The following ASIC2 variants were observed in gnomAD, a reference collection of about 807,000 sequenced individuals.
ASIC2 encodes the protein acid-sensing ion channel 2.
Under a neutral mutation model 57.3 loss-of-function variants are expected in ASIC2, and 25 were observed. The observed-to-expected ratio is 0.44, with a 90% CI of 0.32 to 0.61. The LOEUF is 0.61. Ranked by LOEUF, ASIC2 falls within the 20% of genes least tolerant of loss-of-function variation. The probability of loss-of-function intolerance (pLI) is 0.06; values close to 1 mark genes in which losing one functional copy is unlikely to be tolerated. For synonymous variants in ASIC2, 319 were observed against 307.5 expected, an observed-to-expected ratio of 1.04 and a Z score of -0.39; for missense variants, 641 against 738.1, an observed-to-expected ratio of 0.87 and a Z score of 1.52.
intron 1 of ASIC2, among the ~76,000 whole-genome samples, chr17:34,060,882 T>A (rs545815846): frequency 6.6e-6 from 1 of 152,226 alleles, no homozygotes; most frequent in South Asian, 2.1e-4. Context: ...ATAATCAGTG[T>A]TCCTGAGGAA....
chr17:34,073,867 G>A (rs917987003), intron 1 of ASIC2, among the ~76,000 whole-genome samples: 1 of 152,180 alleles, frequency 6.6e-6, no homozygotes, highest in African/African-American at 2.4e-5. Context: ...AGTAAAGTGA[G>A]AGCAGCTGGC....
chr17:33,497,381 T>C (rs1461455267), intron 1 of ASIC2, among the ~76,000 whole-genome samples: 1 of 152,236 alleles, frequency 6.6e-6, no homozygotes, highest in Non-Finnish European at 1.5e-5. Flanking sequence ...AGGGTTCACC[T>C]TGGGGTATAT....
At chr17:33,727,769 G>A (rs558014899) in intron 1 of ASIC2, among the ~76,000 whole-genome samples, 6 of 152,170 alleles carry the variant, frequency 3.9e-5, no homozygotes, top group African/African-American at 7.2e-5. Flanking sequence ...ATAAATTACC[G>A]AGTGTCAGGT....
intron 8 of ASIC2, among the ~76,000 whole-genome samples, chr17:33,016,658 C>G (rs190847634): frequency 6.3e-4 from 96 of 152,128 alleles, no homozygotes; most frequent in Non-Finnish European, 8.8e-5. Context: ...TCCAGAGGAG[C>G]CTGGTTACTG....
chr17:33,456,182 T>C (rs1912446462), intron 1 of ASIC2, among the ~76,000 whole-genome samples: 2 of 152,356 alleles, frequency 1.3e-5, no homozygotes, highest in African/African-American at 4.8e-5. Flanking sequence ...GGTGCTCTTC[T>C]CTGCTTCTTT....
At chr17:33,907,852 A>G (rs1403234137) in intron 1 of ASIC2, among the ~76,000 whole-genome samples, 1 of 152,158 alleles carries the variant, frequency 6.6e-6, no homozygotes, top group African/African-American at 2.4e-5. Context: ...CATCCTTCTC[A>G]TTCTGCTCAA....
At chr17:33,719,678 G>C (rs557009645) in intron 1 of ASIC2, among the ~76,000 whole-genome samples, 1 of 152,220 alleles carries the variant, frequency 6.6e-6, no homozygotes, top group Non-Finnish European at 1.5e-5. Flanking sequence ...GATTTAGCTA[G>C]AGGCTGCAAT....
intron 1 of ASIC2, among the ~76,000 whole-genome samples, chr17:33,162,274 C>G (rs1036249606): frequency 1.3e-5 from 2 of 152,156 alleles, no homozygotes; most frequent in African/African-American, 4.8e-5. Flanking sequence ...GAAGCAAATC[C>G]TGCGGCCACC....
intron 1 of ASIC2, among the ~76,000 whole-genome samples, chr17:33,903,278 C>CT (rs1457416945): frequency 6.6e-6 from 1 of 152,106 alleles, no homozygotes; most frequent in Non-Finnish European, 1.5e-5. Flanking sequence ...GAGGGTTCTC[C>CT]TTTCTTGAAT....
At chr17:33,264,377 A>T (rs1025881282) in intron 1 of ASIC2, among the ~76,000 whole-genome samples, 1 of 152,246 alleles carries the variant, frequency 6.6e-6, no homozygotes, top group Non-Finnish European at 1.5e-5. Flanking sequence ...GAATCCTTAC[A>T]ATAATCTTGT....
At chr17:33,555,859 G>A (rs1312065234) in intron 1 of ASIC2, among the ~76,000 whole-genome samples, 1 of 152,134 alleles carries the variant, frequency 6.6e-6, no homozygotes, top group Admixed American at 6.6e-5. Flanking sequence ...GACTCTAGCT[G>A]AGTTCTACCA....
rs551036071 is a variant in ASIC2, at chr17:33,573,465, C to T, written c.556-461398G>A. Among the ~76,000 whole-genome samples, 8 of 152,274 alleles carry T rather than the reference C, an allele frequency of 5.3e-5. No individual in the cohort carries two copies. In the East Asian group the frequency reaches 5.8e-4, roughly 11 times the overall value. ...CCTCAGAGATAACCACCACCTGCAA[C>T]GAATATTCCCAAGCTAGATATTATG... On this transcript the variant is annotated intron_variant, in intron 1 of 9. Transcript: ENST00000359872.
intron 1 of ASIC2, among the ~76,000 whole-genome samples, chr17:33,224,577 T>A (rs755996991): frequency 6.6e-6 from 1 of 152,190 alleles, no homozygotes; most frequent in Non-Finnish European, 1.5e-5. Flanking sequence ...AATAAATGAA[T>A]GAATGTATGC....
At chr17:33,691,169 G>T (rs1037118805) in intron 1 of ASIC2, among the ~76,000 whole-genome samples, 1 of 152,138 alleles carries the variant, frequency 6.6e-6, no homozygotes, top group Admixed American at 6.6e-5. Context: ...TGTTAAAAAT[G>T]ATGCTGCAAA....
Position 33,269,045 on chromosome 17 carries a change from A to C in ASIC2, c.708+22363T>G, listed in dbSNP as rs567605348. ...CACTACATTTAATGAGCATATGAAC[A>C]GGTGTGACGTTGATATGTCTTTCTT... On this transcript the variant is annotated intron_variant, in intron 1 of 9. Transcript: ENST00000225823. 1.7e-4 allele frequency among the ~76,000 whole-genome samples: 26 copies of C among 152,304 alleles called. No homozygotes were observed. The South Asian group carries it at 5.0e-3, about 29-fold the overall frequency.
At chr17:33,078,156 G>T (rs2092097431) in intron 3 of ASIC2, among the ~76,000 whole-genome samples, 1 of 152,092 alleles carries the variant, frequency 6.6e-6, no homozygotes, top group Non-Finnish European at 1.5e-5. Flanking sequence ...AGACATTAGG[G>T]CTCCTTTCTT....
chr17:33,198,355 A>T (rs958168817), intron 1 of ASIC2, among the ~76,000 whole-genome samples: 1 of 152,224 alleles, frequency 6.6e-6, no homozygotes, highest in African/African-American at 2.4e-5. Flanking sequence ...CTGTTTCAAA[A>T]CAAAACAAAA....
At position 33,245,562 on chromosome 17, in the gene ASIC2, T is replaced by C. The variant is rs112549997; in HGVS notation, c.708+45846A>G. 7.2e-5 allele frequency among the ~76,000 whole-genome samples: 11 copies of C among 152,302 alleles called. 1 individual carries two copies. Among genetic ancestry groups the C allele is most frequent in the African/African-American group, 2.4e-4 (10 of 41,560 alleles). Reference sequence around the variant, plus strand: ...AAACTAAAATGTGGGTTGCAAATTCTGTACAGAGCTATGAAGGAAGCTCAG... The same window carrying C: ...AAACTAAAATGTGGGTTGCAAATTCCGTACAGAGCTATGAAGGAAGCTCAG... On this transcript the variant is annotated intron_variant, in intron 1 of 9. Coordinates refer to ENST00000225823, the MANE Select transcript of ASIC2 (RefSeq NM_183377.2).
intron 1 of ASIC2, among the ~76,000 whole-genome samples, chr17:34,008,621 C>T (rs1906608921): frequency 6.6e-6 from 1 of 152,112 alleles, no homozygotes; most frequent in South Asian, 2.1e-4. Context: ...AGGAATGGGC[C>T]TGAGGAGTCA....
Sources: allele counts gnomAD v4.1 joint callset (sites outside exome capture counted in the v4.1 genomes callset), GRCh38; gene constraint gnomAD v4.1.1; transcripts MANE v1.5; gene names NCBI Gene and HGNC (gene_info 2026-07-23, HGNC 2026-07-21).